The following DTL variants were observed in gnomAD, a reference collection of about 807,000 sequenced individuals.
DTL encodes the protein denticleless E3 ubiquitin protein ligase adapter, also known as denticleless protein homolog.
Under a neutral mutation model 87.0 loss-of-function variants are expected in DTL, and 46 were observed. The observed-to-expected ratio is 0.53, with a 90% CI of 0.42 to 0.68. The LOEUF is 0.68. Ranked by LOEUF, DTL falls within the 30% of genes least tolerant of loss-of-function variation. The probability of loss-of-function intolerance (pLI) is 0.00; values close to 1 mark genes in which losing one functional copy is unlikely to be tolerated. For synonymous variants in DTL, 308 were observed against 311.2 expected (o/e 0.99, Z 0.11); for missense variants, 737 against 869.4 (o/e 0.85, Z 1.91).
chr1:212,043,253 A>G, intron 2 of DTL, 135 bp downstream of exon 2: 2 of 814,286 alleles, frequency 2.5e-6, no homozygotes, highest in Non-Finnish European at 3.7e-6. Context: ...AAAAACTGTT[A>G]TCTTCTGATT....
intron 13 of DTL, among the ~76,000 whole-genome samples, chr1:212,090,039 GA>G (rs138736605): frequency 6.6e-6 from 1 of 152,088 alleles, no homozygotes; most frequent in Non-Finnish European, 1.5e-5. Flanking sequence ...CTTTTCTGCT[GA>G]AAAAAATAGC....
At position 212,066,801 on chromosome 1, in the gene DTL, T is replaced by C. The variant is rs1425243513; in HGVS notation, c.640-11T>C. 6.2e-7 allele frequency: 1 copy of C among 1,612,392 alleles called. No individual in the cohort carries two copies. Among genetic ancestry groups the C allele is most frequent in the Non-Finnish European group, 8.5e-7 (1 of 1,178,640 alleles). ...CCAAGATAGAATCTTCTTCTTTTCT[T>C]GTGCTATCAGGATTTCCAGCAAAGT... On this transcript the variant is annotated splice_polypyrimidine_tract_variant and intron_variant, in intron 7 of 14. Coordinates refer to ENST00000366991, the MANE Select transcript of DTL (RefSeq NM_016448.4).
At chr1:212,075,950 TA>T (rs1426957684) in intron 11 of DTL, among the ~76,000 whole-genome samples, 3 of 152,182 alleles carry the variant, frequency 2.0e-5, no homozygotes, top group Non-Finnish European at 4.4e-5. Flanking sequence ...ACATTTCATA[TA>T]AATGGAATCA....
chr1:212,099,496 A>T (rs147422269), intron 13 of DTL: 1,725 of 152,484 alleles, frequency 0.011, 12 homozygotes, highest in South Asian at 0.022. Context: ...GGCCTCCCAT[A>T]GTGCTGGGAT....
chr1:212,053,791 G>T (rs532069606), intron 5 of DTL, among the ~76,000 whole-genome samples: 1 of 152,198 alleles, frequency 6.6e-6, no homozygotes, highest in East Asian at 1.9e-4. Context: ...TCGCCATGTT[G>T]CCCAGGCTAA....
intron 10 of DTL, among the ~76,000 whole-genome samples, chr1:212,070,390 C>T (rs991268936): frequency 5.3e-5 from 8 of 152,132 alleles, no homozygotes; most frequent in Admixed American, 1.3e-4. Flanking sequence ...TGGCAGATCA[C>T]TTGAGCCCAG....
chr1:212,075,916 GTC>G (rs1218969269), intron 11 of DTL, among the ~76,000 whole-genome samples: 1 of 152,020 alleles, frequency 6.6e-6, no homozygotes, highest in Non-Finnish European at 1.5e-5. Context: ...ACTACATTCA[GTC>G]TCTATGGATT....
intron 1 of DTL, 41 bp downstream of exon 1, chr1:212,035,983 TCA>T: frequency 6.2e-7 from 1 of 1,604,858 alleles, no homozygotes. Context: ...CTGGCGGAAT[TCA>T]TTTCCCCCGA....
chr1:212,083,841 T>G (rs916698116), intron 13 of DTL, among the ~76,000 whole-genome samples: 5 of 152,218 alleles, frequency 3.3e-5, no homozygotes, highest in Non-Finnish European at 7.3e-5. Flanking sequence ...CCTTGTGGAA[T>G]GCTCACTTTC....
chr1:212,082,114 G>A (rs1242690093), intron 13 of DTL, among the ~76,000 whole-genome samples: 1 of 152,176 alleles, frequency 6.6e-6, no homozygotes, highest in Non-Finnish European at 1.5e-5. Context: ...AACTGGGAGA[G>A]TGTTACATCC....
At chr1:212,095,948 C>A (rs1221708002) in intron 13 of DTL, among the ~76,000 whole-genome samples, 1 of 152,092 alleles carries the variant, frequency 6.6e-6, no homozygotes, top group Non-Finnish European at 1.5e-5. Context: ...AGATTGGTAC[C>A]AGTTCTTCTT....
At chr1:212,043,880 T>G (rs957736453) in intron 2 of DTL, among the ~76,000 whole-genome samples, 1 of 151,390 alleles carries the variant, frequency 6.6e-6, no homozygotes, top group African/African-American at 2.4e-5. Flanking sequence ...CCATAATAGT[T>G]TGAGAGGAAA....
At chr1:212,048,902 TTTTGTTTGTTTGTTTGTTTG>T (rs142929243) in intron 5 of DTL, among the ~76,000 whole-genome samples, 1 of 150,422 alleles carries the variant, frequency 6.6e-6, no homozygotes, top group East Asian at 2.0e-4. Context: ...TGGACTGGTT[TTTTGTTTGTTTGTTTGTTTG>T]TTTGTTTGTT....
At chr1:212,076,010 G>A (rs75264971) in intron 11 of DTL, among the ~76,000 whole-genome samples, 19 of 152,132 alleles carry the variant, frequency 1.2e-4, no homozygotes, top group Admixed American at 7.2e-4. Context: ...GCATAATATC[G>A]AGGTTCATCC....
At chr1:212,043,648 G>A (rs1667721811) in intron 2 of DTL, among the ~76,000 whole-genome samples, 1 of 151,888 alleles carries the variant, frequency 6.6e-6, no homozygotes, top group Non-Finnish European at 1.5e-5. Context: ...GGCCAACATG[G>A]TGAAATCCCA....
chr1:212,041,973 G>C (rs1359764230), intron 1 of DTL, among the ~76,000 whole-genome samples: 1 of 152,172 alleles, frequency 6.6e-6, no homozygotes, highest in Non-Finnish European at 1.5e-5. Flanking sequence ...ATGTAGATTT[G>C]TCTGAGGTTA....
At chr1:212,064,161 G>A (rs114709626) in intron 6 of DTL, among the ~76,000 whole-genome samples, 4,165 of 152,008 alleles carry the variant, frequency 0.027, 79 homozygotes, top group Non-Finnish European at 0.04. Context: ...CATTCTTCTA[G>A]CTATTTTGAA....
At chr1:212,059,779 CAAAAAAAAAAAAAAA>C (rs58890148) in intron 5 of DTL, among the ~76,000 whole-genome samples, 1 of 80,224 alleles carries the variant, frequency 1.2e-5, no homozygotes, top group East Asian at 2.9e-4. Flanking sequence ...AAAGACTCTA[CAAAAAAAAAAAAAAA>C]AAAAAAAAAC....
rs373066459 is a variant in DTL at position 212,099,971 on chromosome 1, A to G, written c.1262-281A>G. Among the ~76,000 whole-genome samples, 55 of 152,246 alleles carry G rather than the reference A, an allele frequency of 3.6e-4. 2 individuals carry two copies. In the South Asian group the frequency reaches 0.011, roughly 30 times the overall value. On this transcript the variant is annotated intron_variant, in intron 13 of 14. Coordinates refer to ENST00000366991, the MANE Select transcript of DTL (RefSeq NM_016448.4). ...CACAAATATAGAAAGTATGCTAAAC[A>G]TGGTTTACGTAAGTGCTTTAAATTT...
Sources: allele counts gnomAD v4.1 joint callset (sites outside exome capture counted in the v4.1 genomes callset), GRCh38; gene constraint gnomAD v4.1.1; transcripts MANE v1.5; gene names NCBI Gene and HGNC (gene_info 2026-07-23, HGNC 2026-07-21).